EPHA2: variants seen among roughly 807,000 people sequenced by gnomAD.
The protein encoded by EPHA2 is ephrin type-A receptor 2.
A neutral mutation model predicts 104.9 loss-of-function variants in EPHA2; 54 were observed. The observed-to-expected ratio is 0.51, with a 90% CI of 0.41 to 0.65. The LOEUF is 0.65. Among genes scored for constraint, EPHA2 ranks in the 30% least tolerant of loss-of-function variants. The pLI is 0.00. For missense variants in EPHA2, 1,117 were observed against 1,369.5 expected, an observed-to-expected ratio of 0.82 and a Z score of 2.91; for synonymous variants, 560 against 559.1, an observed-to-expected ratio of 1.00 and a Z score of -0.02.
Position 16,135,663 on chromosome 1 carries a change from G to T in EPHA2, c.1420C>A (p.Arg474Ser). 6.2e-7 allele frequency: 1 copy of T among 1,613,896 alleles called. No homozygotes were observed. The highest frequency in any genetic ancestry group is 8.5e-7 in the Non-Finnish European group (1 of 1,179,944). Residue 474 changes from arginine to serine, a missense_variant, in exon 6 of 17, where the codon CGC (arginine) becomes AGC (serine). Coordinates refer to ENST00000358432, the MANE Select transcript of EPHA2 (RefSeq NM_004431.5). This position sits in a 1 kb window ranked among gnomAD's most constrained non-coding sequence, Gnocchi z 4.3. ...GCCCCTCTGGGAGTTACCTTCTTGCGGTAAGTGACCTCGTACTTCCACACT... is the reference window on the plus strand; with the variant it reads ...GCCCCTCTGGGAGTTACCTTCTTGCTGTAAGTGACCTCGTACTTCCACACT... ...SRVWKYEVTY[R>S]KKGDSNSYNV... is the part of the protein sequence containing the mutation.
intron 1 of EPHA2, among the ~76,000 whole-genome samples, chr1:16,151,660 GGCCCAAAGAT>G (rs2025039961): frequency 6.6e-6 from 1 of 152,134 alleles, no homozygotes; most frequent in African/African-American, 2.4e-5. Context: ...CCCTAAGAGG[GGCCCAAAGAT>G]ACACACAGCT....
At chr1:16,154,838 G>A (rs902870536) in intron 1 of EPHA2, among the ~76,000 whole-genome samples, 3 of 151,764 alleles carry the variant, frequency 2.0e-5, no homozygotes, top group East Asian at 3.9e-4. Context: ...TGGAGCCTGC[G>A]GAAACCTCGC....
intron 3 of EPHA2, among the ~76,000 whole-genome samples, chr1:16,143,760 C>G (rs1474264349): frequency 2.0e-5 from 3 of 152,172 alleles, no homozygotes; most frequent in Admixed American, 2.0e-4. Context: ...CAGGTGACCG[C>G]AGGAACCACC....
chr1:16,155,651 C>A (rs1427379803), intron 1 of EPHA2, 197 bp downstream of exon 1: 8 of 441,890 alleles, frequency 1.8e-5, no homozygotes, highest in Non-Finnish European at 3.1e-5. Context: ...GCTGAAACCG[C>A]TTATTCTCCG....
Position 16,134,300 on chromosome 1 carries a change from A to G in EPHA2, c.1682+168T>C, listed in dbSNP as rs1205741006. Among the ~76,000 whole-genome samples, 1 of 152,144 alleles carries G rather than the reference A, an allele frequency of 6.6e-6. No homozygotes were observed. Among genetic ancestry groups the G allele is most frequent in the African/African-American group, 2.4e-5 (1 of 41,428 alleles). The stretch of plus-strand genomic sequence containing the variant: ...CCGTGTCCCGGCCCCGCCGCGTGCC[A>G]GGCACTTCGCTACACACTCTAACTC... On this transcript the variant is annotated intron_variant, in intron 8 of 16. Transcript: ENST00000358432. The surrounding 1 kb of genome is among the most constrained non-coding windows in gnomAD (Gnocchi z 4.5).
chr1:16,135,013 A>G lies in EPHA2; in HGVS notation c.1582+23T>C, dbSNP rs1434829443. 3 of 1,610,236 alleles carry G rather than the reference A, an allele frequency of 1.9e-6. No homozygotes were observed. In the East Asian group the frequency reaches 6.7e-5, roughly 36 times the overall value. On this transcript the variant is annotated intron_variant, in intron 7 of 16. Coordinates refer to ENST00000358432, the MANE Select transcript of EPHA2 (RefSeq NM_004431.5). This position sits in a 1 kb window ranked among gnomAD's most constrained non-coding sequence, Gnocchi z 4.3. ...TTGGTTCTGGGCCCTGGCCTGGTCCATGCCCAGGGTCCCCCAACTCACACA... is the reference window on the plus strand; with the variant it reads ...TTGGTTCTGGGCCCTGGCCTGGTCCGTGCCCAGGGTCCCCCAACTCACACA...
rs2024506220 is a variant in EPHA2 at position 16,128,299 on chromosome 1, C to T, written c.2825+1135G>A. On this transcript the variant is annotated intron_variant, in intron 16 of 16. Coordinates refer to ENST00000358432, the MANE Select transcript of EPHA2 (RefSeq NM_004431.5). The surrounding 1 kb of genome is among the most constrained non-coding windows in gnomAD (Gnocchi z 4.7). The stretch of plus-strand genomic sequence containing the variant: ...CGGGCAGCAAAAGACATCCTGTGAT[C>T]CATCTCCCCTCCCTACGTGTCCCCG... 6.6e-6 allele frequency among the ~76,000 whole-genome samples: 1 copy of T among 152,216 alleles called. No individual in the cohort carries two copies. Among genetic ancestry groups the T allele is most frequent in the African/African-American group, 2.4e-5 (1 of 41,458 alleles).
intron 3 of EPHA2, among the ~76,000 whole-genome samples, chr1:16,144,960 A>G (rs12405694): frequency 0.3 from 45,524 of 152,142 alleles, 7,304 homozygotes; most frequent in Middle Eastern, 0.47. Context: ...CGGTGTCCCT[A>G]TGAACTAGGG....
chr1:16,155,704 C>A (rs1483671581), intron 1 of EPHA2, 144 bp downstream of exon 1: 2 of 612,428 alleles, frequency 3.3e-6, no homozygotes, highest in East Asian at 3.5e-5. Flanking sequence ...TCGCCTCGAT[C>A]GCAGCCCGTG....
chr1:16,127,305 G>T (rs1362606529), intron 16 of EPHA2, among the ~76,000 whole-genome samples: 1 of 152,178 alleles, frequency 6.6e-6, no homozygotes, highest in Admixed American at 6.5e-5. Context: ...TGTAGTCCCA[G>T]CTCTAGACAG....
At position 16,150,880 on chromosome 1, in the gene EPHA2, C is replaced by T; in HGVS notation, c.153+16G>A. 6.2e-7 allele frequency: 1 copy of T among 1,614,088 alleles called. No individual in the cohort carries two copies. The highest frequency in any genetic ancestry group is 1.7e-5 in the Admixed American group (1 of 60,014). ...CCCCATTCTCACACCTCTCCCCACC[C>T]CGAAGGCTTACATACCCCTTTGCCA... is the stretch of plus-strand genomic sequence containing the variant. On this transcript the variant is annotated intron_variant, in intron 2 of 16. Transcript: ENST00000358432. The surrounding 1 kb of genome is among the most constrained non-coding windows in gnomAD (Gnocchi z 4.8).
chr1:16,147,545 C>T (rs764040257), intron 3 of EPHA2, among the ~76,000 whole-genome samples: 14 of 151,900 alleles, frequency 9.2e-5, no homozygotes, highest in Non-Finnish European at 2.1e-4. Context: ...GGTACTCCAC[C>T]GTGGGACCAC....
In EPHA2 at chr1:16,131,966, G is replaced by A. The variant is rs2024577806; in HGVS notation, c.2326-96C>T. ...ACGACCCCTCCCTGGACTCCTACAG[G>A]TGTTCTGCCTCCTGAAGCACTGCCC... On this transcript the variant is annotated intron_variant, in intron 13 of 16. Coordinates refer to ENST00000358432, the MANE Select transcript of EPHA2 (RefSeq NM_004431.5). This position sits in a 1 kb window ranked among gnomAD's most constrained non-coding sequence, Gnocchi z 5.2. 8 of 1,605,186 alleles carry A rather than the reference G, an allele frequency of 5.0e-6. No individual in the cohort carries two copies. The highest frequency in any genetic ancestry group is 6.8e-6 in the Non-Finnish European group (8 of 1,175,326).
At chr1:16,144,078 A>T (rs552964241) in intron 3 of EPHA2, among the ~76,000 whole-genome samples, 1 of 151,952 alleles carries the variant, frequency 6.6e-6, no homozygotes, top group East Asian at 1.9e-4. Flanking sequence ...CCAGCCTTTC[A>T]TCTTCTGTTT....
intron 11 of EPHA2, 103 bp from the exon 12 acceptor site, chr1:16,132,542 C>CACAGGTGTGGGGAGAGGTGGA: frequency 7.8e-7 from 1 of 1,284,692 alleles, no homozygotes; most frequent in Admixed American, 1.8e-5. Flanking sequence ...GAGAGGTGGG[C>CACAGGTGTGGGGAGAGGTGGA]ACAGGTGTGG....
chr1:16,146,142 C>A (rs1257620430), intron 3 of EPHA2, among the ~76,000 whole-genome samples: 1 of 152,190 alleles, frequency 6.6e-6, no homozygotes, highest in Non-Finnish European at 1.5e-5. Flanking sequence ...CGGCACCCAG[C>A]CACACTGAAA....
chr1:16,145,512 G>A (rs893391309), intron 3 of EPHA2, among the ~76,000 whole-genome samples: 6 of 152,242 alleles, frequency 3.9e-5, no homozygotes, highest in South Asian at 2.1e-4. Flanking sequence ...GCCCCGCCTC[G>A]CTCTGGGTCT....
At chr1:16,155,128 A>C (rs1569625864) in intron 1 of EPHA2, 1 of 151,982 alleles carries the variant, frequency 6.6e-6, no homozygotes, top group African/African-American at 2.4e-5. Context: ...ACAGCTCCAC[A>C]CCTTGGGAGG....
At position 16,135,545 on chromosome 1, in the gene EPHA2, G is replaced by T; in HGVS notation, c.1428+110C>A. ...ACCCCAGGCCTCAGTTTCCCCATCT[G>T]CAGAAGGGTGCTTCTTCAGATGGCT... On this transcript the variant is annotated intron_variant, in intron 6 of 16. Coordinates refer to ENST00000358432, the MANE Select transcript of EPHA2 (RefSeq NM_004431.5). The surrounding 1 kb of genome is among the most constrained non-coding windows in gnomAD (Gnocchi z 4.3). 9.3e-7 allele frequency: 1 copy of T among 1,074,920 alleles called. No individual in the cohort carries two copies. The highest frequency in any genetic ancestry group is 1.4e-6 in the Non-Finnish European group (1 of 697,242). 66.6% of individuals were successfully genotyped at this position (1,074,920 alleles called of 1,614,324 possible).
Sources: allele counts gnomAD v4.1 joint callset (sites outside exome capture counted in the v4.1 genomes callset), GRCh38; gene constraint gnomAD v4.1.1; non-coding constraint Gnocchi (gnomAD v3.1); transcripts MANE v1.5; gene names NCBI Gene and HGNC (gene_info 2026-07-23, HGNC 2026-07-21).